CWC22: variants seen among roughly 807,000 people sequenced by gnomAD.
CWC22 encodes the protein CWC22 spliceosome associated protein.
In CWC22, 53 loss-of-function variants were observed where a neutral mutation model predicts 117.2. The ratio of observed to expected loss-of-function variants is 0.45; its 90% CI spans 0.36 to 0.57. The LOEUF is 0.57. Ranked by LOEUF, CWC22 falls within the 20% of genes least tolerant of loss-of-function variation. CWC22 has a pLI of 0.00. For missense variants in CWC22, 980 were observed against 1,068.8 expected, an observed-to-expected ratio of 0.92 and a Z score of 1.16; for synonymous variants, 360 against 355.6, an observed-to-expected ratio of 1.01 and a Z score of -0.14.
intron 19 of CWC22, 43 bp downstream of exon 19, chr2:179,950,469 T>C: frequency 1.7e-6 from 2 of 1,178,292 alleles, no homozygotes; most frequent in Non-Finnish European, 2.5e-6. Context: ...AGCAACATAT[T>C]TATTAGAAAA....
chr2:179,997,161 T>C (rs866254011), intron 1 of CWC22, among the ~76,000 whole-genome samples: 1 of 152,018 alleles, frequency 6.6e-6, no homozygotes, highest in East Asian at 1.9e-4. Context: ...TTATAATATA[T>C]GTAGCCAGAG....
chr2:179,970,839 G>C lies in CWC22; in HGVS notation c.958C>G (p.Arg320Gly). 3 of 1,613,398 alleles carry C rather than the reference G, an allele frequency of 1.9e-6. No homozygotes were observed. Among genetic ancestry groups the C allele is most frequent in the Non-Finnish European group, 2.5e-6 (3 of 1,179,542 alleles). ...RGINAIFERLRNILHESEIDK... is the reference protein window; with the variant it reads ...RGINAIFERLGNILHESEIDK... Reference sequence around the variant, plus strand: ...ATTTCAGACTCATGCAGAATGTTTCGAAGGCGTTCAAATATAGCTAAAAGT... The same window carrying C: ...ATTTCAGACTCATGCAGAATGTTTCCAAGGCGTTCAAATATAGCTAAAAGT... Residue 320 changes from arginine to glycine, a missense_variant, in exon 10 of 20, where the codon CGA (arginine) becomes GGA (glycine). Physicochemically the swap from Arg to Gly is moderately radical, Grantham distance 125. Coordinates refer to ENST00000410053, the MANE Select transcript of CWC22 (RefSeq NM_020943.3).
rs192184441 is a variant in CWC22 at position 179,970,702 on chromosome 2, T to A, written c.1095A>T (p.Gln365His). Residue 365 changes from glutamine (Q) to histidine (H), a missense_variant, in exon 10 of 20, where the codon CAA (glutamine) becomes CAT (histidine). By Grantham distance (24) the Gln-to-His change is conservative. Coordinates refer to ENST00000410053, the MANE Select transcript of CWC22 (RefSeq NM_020943.3). ...CCTCCAGAGGGAGCATATGAGTGAA[T>A]TGATCATCTTCTTCCACCAAATCAA... ...EGLDLVEEDD[Q>H]FTHMLPLEDD... The A allele has an allele frequency of 6.2e-7, 1 of 1,613,750 alleles. No homozygotes were observed. The highest frequency in any genetic ancestry group is 1.1e-5 in the South Asian group (1 of 91,078).
chr2:179,972,804 G>A (rs2105530201), intron 8 of CWC22, among the ~76,000 whole-genome samples: 1 of 152,022 alleles, frequency 6.6e-6, no homozygotes, highest in Admixed American at 6.6e-5. Flanking sequence ...TCAGGAGATC[G>A]AGACCATCCT....
chr2:179,946,464 A>AAAGGG (rs1553556646), intron 19 of CWC22, among the ~76,000 whole-genome samples: 1 of 92,558 alleles, frequency 1.1e-5, no homozygotes, highest in African/African-American at 4.7e-5. Flanking sequence ...AAAAAAAAAA[A>AAAGGG]GGGGGGGGGG....
At chr2:179,983,176 T>A (rs1203579519) in intron 4 of CWC22, among the ~76,000 whole-genome samples, 2 of 152,082 alleles carry the variant, frequency 1.3e-5, no homozygotes, top group East Asian at 3.8e-4. Context: ...TCATGGGGGT[T>A]TGTTGTATAG....
intron 1 of CWC22, among the ~76,000 whole-genome samples, chr2:179,995,086 C>G (rs1253963049): frequency 2.0e-5 from 3 of 152,158 alleles, no homozygotes; most frequent in African/African-American, 7.2e-5. Context: ...CCACTGCACT[C>G]CAGCCTGGGC....
At chr2:179,952,024 A>G (rs746184893) in intron 17 of CWC22, among the ~76,000 whole-genome samples, 10 of 152,120 alleles carry the variant, frequency 6.6e-5, no homozygotes, top group Non-Finnish European at 1.5e-4. Context: ...AACAGGAAAT[A>G]AGAAAGGTGA....
intron 3 of CWC22, among the ~76,000 whole-genome samples, chr2:179,987,111 A>T (rs945016069): frequency 2.6e-5 from 4 of 152,182 alleles, no homozygotes; most frequent in African/African-American, 9.6e-5. Flanking sequence ...GTTAGCATGA[A>T]AAAGGCTATC....
intron 2 of CWC22, among the ~76,000 whole-genome samples, chr2:179,992,179 C>T (rs1687585284): frequency 6.6e-6 from 1 of 152,230 alleles, no homozygotes; most frequent in Non-Finnish European, 1.5e-5. Flanking sequence ...TCCCCCTTTA[C>T]TGACTCCAAG....
rs754332999 is a variant in CWC22, at chr2:179,971,028, G to C, written c.853C>G (p.Pro285Ala). Residue 285 changes from proline to alanine, a missense_variant, in exon 9 of 20, where the codon CCA becomes GCA. Physicochemically the swap from Pro to Ala is conservative, Grantham distance 27. Coordinates refer to ENST00000410053, the MANE Select transcript of CWC22 (RefSeq NM_020943.3). The stretch of plus-strand genomic sequence containing the variant: ...GCTACTTCAACGCTATCATCTGTTG[G>C]TCTTTCCAGGAGCAAAGTGAGCATC... ...LEMLTLLLER[P>A]TDDSVEVAIG... 6.2e-7 allele frequency: 1 copy of C among 1,609,442 alleles called. No individual in the cohort carries two copies. The highest frequency in any genetic ancestry group is 8.5e-7 in the Non-Finnish European group (1 of 1,176,976).
At chr2:179,946,579 C>G (rs531446221) in intron 19 of CWC22, among the ~76,000 whole-genome samples, 1 of 151,560 alleles carries the variant, frequency 6.6e-6, no homozygotes, top group East Asian at 1.9e-4. Flanking sequence ...AATTTTATAG[C>G]AAATGTAAAA....
At chr2:179,954,013 T>A (rs1686521956) in intron 16 of CWC22, among the ~76,000 whole-genome samples, 192 bp downstream of exon 16, 1 of 152,114 alleles carries the variant, frequency 6.6e-6, no homozygotes, top group Non-Finnish European at 1.5e-5. Context: ...AATACAAAGA[T>A]AGTATTTCTT....
At chr2:179,995,404 T>C (rs1185372128) in intron 1 of CWC22, among the ~76,000 whole-genome samples, 1 of 152,186 alleles carries the variant, frequency 6.6e-6, no homozygotes, top group Non-Finnish European at 1.5e-5. Flanking sequence ...AGAGTTACCA[T>C]CTTAATAAGC....
chr2:179,998,935 T>C (rs1373676012), intron 1 of CWC22, among the ~76,000 whole-genome samples: 1 of 152,210 alleles, frequency 6.6e-6, no homozygotes, highest in African/African-American at 2.4e-5. Context: ...CTGTGCATTT[T>C]ATTTCTATTT....
intron 2 of CWC22, among the ~76,000 whole-genome samples, chr2:179,992,627 T>G (rs1012584646): frequency 1.1e-4 from 16 of 152,354 alleles, no homozygotes; most frequent in African/African-American, 3.4e-4. Flanking sequence ...ATAATTTATT[T>G]TATCTCCTCC....
intron 2 of CWC22, 42 bp downstream of exon 2, chr2:179,993,273 A>G: frequency 7.3e-7 from 1 of 1,374,260 alleles, no homozygotes; most frequent in South Asian, 1.2e-5. Context: ...TAGGTAATTG[A>G]CTATAAGTTT....
At chr2:179,955,421 A>C (rs1181497247) in intron 14 of CWC22, among the ~76,000 whole-genome samples, 1 of 152,020 alleles carries the variant, frequency 6.6e-6, no homozygotes, top group African/African-American at 2.4e-5. Flanking sequence ...CAATTCAGTT[A>C]CATATGTCCC....
At chr2:179,956,005 C>T (rs912805019) in intron 14 of CWC22, among the ~76,000 whole-genome samples, 5 of 151,824 alleles carry the variant, frequency 3.3e-5, no homozygotes, top group African/African-American at 1.2e-4. Context: ...AATATACTTG[C>T]TTTGTGCAAA....
Sources: allele counts gnomAD v4.1 joint callset (sites outside exome capture counted in the v4.1 genomes callset), GRCh38; gene constraint gnomAD v4.1.1; transcripts MANE v1.5; gene names NCBI Gene and HGNC (gene_info 2026-07-23, HGNC 2026-07-21).